The following TLX1 variants were observed in gnomAD, a reference collection of about 807,000 sequenced individuals.
TLX1 encodes T-cell leukemia homeobox protein 1.
In TLX1, 6 loss-of-function variants were observed where a neutral mutation model predicts 26.5. That is an observed-to-expected ratio of 0.23 (90% CI 0.12 to 0.45). TLX1 has a LOEUF of 0.45. Among genes scored for constraint, TLX1 ranks in the 20% least tolerant of loss-of-function variants. The pLI, the probability that TLX1 is intolerant of heterozygous loss-of-function variation, is 0.99. For synonymous variants in TLX1, 217 were observed against 219.7 expected (o/e 0.99, Z 0.11); for missense variants, 418 against 482.6 (o/e 0.87, Z 1.25).
At chr10:101,136,594 G>A (rs1473725885) in intron 2 of TLX1, 97 bp from the exon 3 acceptor site, 4 of 1,603,614 alleles carry the variant, frequency 2.5e-6, no homozygotes, top group Non-Finnish European at 3.4e-6. Context: ...GGCGAGCAGC[G>A]CTCGTTCAGT....
chr10:101,131,548 C>T lies in TLX1; in HGVS notation c.7C>T (p.His3Tyr). 1 of 1,500,754 alleles carries T rather than the reference C, an allele frequency of 6.7e-7. No individual in the cohort carries two copies. Among genetic ancestry groups the T allele is most frequent in the Non-Finnish European group, 8.8e-7 (1 of 1,133,144 alleles). 93.0% of individuals were successfully genotyped at this position (1,500,754 alleles called of 1,614,324 possible). ...CGGTGGGGCCAGGGCCAGCATGGAGCACCTGGGTCCGCACCACCTCCACCC... is the reference window on the plus strand; with the variant it reads ...CGGTGGGGCCAGGGCCAGCATGGAGTACCTGGGTCCGCACCACCTCCACCC... MEHLGPHHLHPGH... is the reference protein window; with the variant it reads MEYLGPHHLHPGH... Residue 3 changes from histidine to tyrosine, a missense_variant, in exon 1 of 3, where the codon CAC becomes TAC. Coordinates refer to ENST00000370196, the MANE Select transcript of TLX1 (RefSeq NM_005521.4).
At position 101,131,556 on chromosome 10, in the gene TLX1, T is replaced by C. The variant is rs1430054702; in HGVS notation, c.15T>C (p.Gly5=). 2 of 1,513,810 alleles carry C rather than the reference T, an allele frequency of 1.3e-6. No homozygotes were observed. The highest frequency in any genetic ancestry group is 2.7e-5 in the East Asian group (1 of 37,500). The allele number at this position is 1,513,810 out of a possible 1,614,324, so 93.8% of individuals were successfully genotyped here. The stretch of plus-strand genomic sequence containing the variant: ...CCAGGGCCAGCATGGAGCACCTGGG[T>C]CCGCACCACCTCCACCCGGGTCACG... MEHL[G]PHHLHPGHAE... The change falls in exon 1 of 3, where the codon GGT becomes GGC. Residue 5 remains glycine, a synonymous_variant. Transcript: ENST00000370196.
intron 2 of TLX1, chr10:101,135,336 C>G (rs1019775396): frequency 5.8e-5 from 9 of 154,358 alleles, no homozygotes; most frequent in African/African-American, 2.2e-4. Flanking sequence ...TTGGAGTTTC[C>G]TCTTTTTCTG....
chr10:101,133,551 G>C (rs1031644218), intron 1 of TLX1, among the ~76,000 whole-genome samples: 3 of 152,246 alleles, frequency 2.0e-5, no homozygotes, highest in African/African-American at 7.2e-5. Flanking sequence ...CTGGGCCTCT[G>C]GTGAAAGGTA....
intron 2 of TLX1, among the ~76,000 whole-genome samples, chr10:101,136,460 A>G (rs1461962154): frequency 6.6e-6 from 1 of 152,132 alleles, no homozygotes; most frequent in African/African-American, 2.4e-5. Context: ...AGACTTTCCC[A>G]TCGCTCCTCC....
rs1160431982 is a variant in TLX1 at position 101,137,301 on chromosome 10, T to C, written c.*388T>C. The C allele has an allele frequency of 9.3e-6, 3 of 322,422 alleles. No individual in the cohort carries two copies. The highest frequency in any genetic ancestry group is 6.2e-5 in the African/African-American group (3 of 48,296). The allele number at this position is 322,422 out of a possible 1,614,324, so 20.0% of individuals were successfully genotyped here. A position where few individuals can be genotyped will look rare whatever the true frequency, so the allele number is the denominator to read the frequency against. ...GGGAAACCCCTTCTCTGTGACCCAC[T>C]TCTCATCACACACATGGAAACCCAT... is the stretch of plus-strand genomic sequence containing the variant. On this transcript the variant is annotated 3_prime_UTR_variant, in exon 3 of 3. Coordinates refer to ENST00000370196, the MANE Select transcript of TLX1 (RefSeq NM_005521.4).
rs750325726 is a variant in TLX1, at chr10:101,131,729, C to T, written c.188C>T (p.Ala63Val). 2.1e-6 allele frequency: 3 copies of T among 1,442,806 alleles called. No individual in the cohort carries two copies. The South Asian group carries it at 4.6e-5, about 22-fold the overall frequency. 89.4% of individuals were successfully genotyped at this position (1,442,806 alleles called of 1,614,324 possible). Residue 63 changes from alanine to valine, a missense_variant, in exon 1 of 3, where the codon GCG (alanine) becomes GTG (valine). By Grantham distance (64) the Ala-to-Val change is moderately conservative. Around this residue, in one of 3 missense-constraint regions of TLX1, gnomAD observed 322 missense variants for 344.6 expected, o/e 0.93. Transcript: ENST00000370196. ...GAYTYGGGGS[A>V]AATGAGGAGA... ...TACACTTACGGCGGCGGGGGCTCCG[C>T]GGCCGCGACGGGGGCTGGAGGAGCG...
chr10:101,134,383 A>AAGCGGGGCGGGCCGGCCGCCCGCG lies in TLX1; in HGVS notation c.770+13_770+36dup, dbSNP rs759214667. 5.1e-6 allele frequency: 8 copies of AAGCGGGGCGGGCCGGCCGCCCGCG among 1,565,142 alleles called. No homozygotes were observed. Among genetic ancestry groups the AAGCGGGGCGGGCCGGCCGCCCGCG allele is most frequent in the Non-Finnish European group, 6.9e-6 (8 of 1,158,546 alleles). On this transcript the variant is annotated splice_region_variant and intron_variant, in intron 2 of 2. Coordinates refer to ENST00000370196, the MANE Select transcript of TLX1 (RefSeq NM_005521.4). Reference sequence around the variant, plus strand: ...ACCGGCGGACAAAGTGGAGGTGAGCAAGCGGGGCGGGCCGGCCGCCCGCGA... The same window carrying AAGCGGGGCGGGCCGGCCGCCCGCG: ...ACCGGCGGACAAAGTGGAGGTGAGCAAGCGGGGCGGGCCGGCCGCCCGCGAGCGGGGCGGGCCGGCCGCCCGCGA...
In TLX1 at chr10:101,131,789, G is replaced by T. The variant is rs1390097225; in HGVS notation, c.248G>T (p.Gly83Val). The T allele has an allele frequency of 1.4e-6, 2 of 1,388,660 alleles. No homozygotes were observed. Among genetic ancestry groups the T allele is most frequent in the South Asian group, 3.4e-5 (2 of 58,308 alleles). 86.0% of individuals were successfully genotyped at this position (1,388,660 alleles called of 1,614,324 possible). Residue 83 changes from glycine (G) to valine (V), a missense_variant, in exon 1 of 3, where the codon GGA (glycine) becomes GTA (valine). Around this residue, in one of 3 missense-constraint regions of TLX1, gnomAD observed 322 missense variants for 344.6 expected, o/e 0.93. Transcript: ENST00000370196. The part of the protein sequence containing the change: ...AYGTGGPGGP[G>V]GPAGGGGACS... Reference sequence around the variant, plus strand: ...GGTACTGGAGGTCCCGGCGGCCCCGGAGGCCCGGCAGGCGGCGGCGGCGCC... The same window carrying T: ...GGTACTGGAGGTCCCGGCGGCCCCGTAGGCCCGGCAGGCGGCGGCGGCGCC...
intron 1 of TLX1, among the ~76,000 whole-genome samples, chr10:101,133,944 G>C (rs1035881495): frequency 6.6e-6 from 1 of 152,152 alleles, no homozygotes; most frequent in Non-Finnish European, 1.5e-5. Flanking sequence ...TGGTAGCGGC[G>C]ACGGCGGCGT....
Position 101,132,549 on chromosome 10 carries a change from C to A in TLX1, c.568+440C>A, listed in dbSNP as rs1331871779. ...GACACAAGAAAAGAACAGGTTCCCC[C>A]ACCTCCAGTCCCCTACACACATGCA... is the stretch of plus-strand genomic sequence containing the variant. On this transcript the variant is annotated intron_variant, in intron 1 of 2. Transcript: ENST00000370196. The surrounding 1 kb of genome is among the most constrained non-coding windows in gnomAD (Gnocchi z 4.1). Among the ~76,000 whole-genome samples the A allele has an allele frequency of 6.6e-6, 1 of 152,234 alleles. No individual in the cohort carries two copies. The highest frequency in any genetic ancestry group is 1.5e-5 in the Non-Finnish European group (1 of 68,036).
In TLX1 at chr10:101,136,897, C is replaced by A; in HGVS notation, c.977C>A (p.Ala326Glu). The change falls in exon 3 of 3, where the codon GCG (alanine) becomes GAG (glutamate). Residue 326 changes from alanine to glutamate, a missense_variant. Ala to Glu is a moderately radical substitution (Grantham distance 107). This residue lies in a region of TLX1 where 78 missense variants were observed against 92.2 expected (regional missense o/e 0.85). Transcript: ENST00000370196. ...STKITSVTSV[A>E]SACE ...AAAATCACTAGCGTCACGTCGGTGGCGTCGGCCTGCGAGTGAGCCTGCCCA... is the reference window on the plus strand; with the variant it reads ...AAAATCACTAGCGTCACGTCGGTGGAGTCGGCCTGCGAGTGAGCCTGCCCA... 6.2e-7 allele frequency: 1 copy of A among 1,613,594 alleles called. No individual in the cohort carries two copies. Among genetic ancestry groups the A allele is most frequent in the Non-Finnish European group, 8.5e-7 (1 of 1,179,986 alleles).
At position 101,136,716 on chromosome 10, in the gene TLX1, G is replaced by A. The variant is rs1301125599; in HGVS notation, c.796G>A (p.Ala266Thr). Residue 266 changes from alanine to threonine, a missense_variant, in exon 3 of 3, where the codon GCC becomes ACC. Physicochemically the swap from Ala to Thr is moderately conservative, Grantham distance 58. This residue lies in a region of TLX1 where 78 missense variants were observed against 92.2 expected (regional missense o/e 0.85). Coordinates refer to ENST00000370196, the MANE Select transcript of TLX1 (RefSeq NM_005521.4). Reference sequence around the variant, plus strand: ...ACGGCAGACTGCGGAGGAACGGGAGGCCGAGAGGCAGCAAGCGAACCGCAT... The same window carrying A: ...ACGGCAGACTGCGGAGGAACGGGAGACCGAGAGGCAGCAAGCGAACCGCAT... ...WRRQTAEERE[A>T]ERQQANRILL... The A allele has an allele frequency of 1.2e-6, 2 of 1,612,904 alleles. No homozygotes were observed. The highest frequency in any genetic ancestry group is 3.3e-5 in the Admixed American group (2 of 60,028).
Position 101,131,342 on chromosome 10 carries a change from A to C in TLX1, c.-200A>C. Reference sequence around the variant, plus strand: ...AGCGAGCGAGCAGCCGGAGCGGGGAAGCAGAAGCCAGAGAGGGGAAGAATA... The same window carrying C: ...AGCGAGCGAGCAGCCGGAGCGGGGACGCAGAAGCCAGAGAGGGGAAGAATA... On this transcript the variant is annotated 5_prime_UTR_variant, in exon 1 of 3. Transcript: ENST00000370196. 2.4e-6 allele frequency: 1 copy of C among 420,726 alleles called. No homozygotes were observed. The highest frequency in any genetic ancestry group is 4.1e-6 in the Non-Finnish European group (1 of 241,920). The allele number at this position is 420,726 out of a possible 1,614,324, so 26.1% of individuals were successfully genotyped here.
At position 101,132,896 on chromosome 10, in the gene TLX1, TC is replaced by T; in HGVS notation, c.568+790del. On this transcript the variant is annotated intron_variant, in intron 1 of 2. Coordinates refer to ENST00000370196, the MANE Select transcript of TLX1 (RefSeq NM_005521.4). This position sits in a 1 kb window ranked among gnomAD's most constrained non-coding sequence, Gnocchi z 4.1. ...CGCTGCCGCCTTCTCTGCTGCCCGC[TC>T]CCGCCTTCCTCTGCTGGCCCTGGCT... is the stretch of plus-strand genomic sequence containing the variant. 1 of 152,942 alleles carries T rather than the reference TC, an allele frequency of 6.5e-6. No individual in the cohort carries two copies. The highest frequency in any genetic ancestry group is 1.5e-5 in the Non-Finnish European group (1 of 68,650). The allele number at this position is 152,942 out of a possible 1,614,324, so 9.5% of individuals were successfully genotyped here. A position where few individuals can be genotyped will look rare whatever the true frequency, so the allele number is the denominator to read the frequency against.
chr10:101,137,139 C>T lies in TLX1; in HGVS notation c.*226C>T. The T allele has an allele frequency of 1.7e-6, 1 of 576,616 alleles. No homozygotes were observed. Among genetic ancestry groups the T allele is most frequent in the Admixed American group, 3.1e-5 (1 of 32,132 alleles). 35.7% of individuals were successfully genotyped at this position (576,616 alleles called of 1,614,324 possible). A position where few individuals can be genotyped will look rare whatever the true frequency, so the allele number is the denominator to read the frequency against. ...CCCCCCTCCCAGAGGCGTCCCGCAC[C>T]TGTCTGAACTGTTAAGAAATCTGTT... On this transcript the variant is annotated 3_prime_UTR_variant, in exon 3 of 3. Coordinates refer to ENST00000370196, the MANE Select transcript of TLX1 (RefSeq NM_005521.4).
At chr10:101,134,800 T>G (rs1393706083) in intron 2 of TLX1, among the ~76,000 whole-genome samples, 2 of 152,244 alleles carry the variant, frequency 1.3e-5, no homozygotes, top group East Asian at 3.9e-4. Flanking sequence ...CGCACCTTGT[T>G]GCAGCGCTCC....
Position 101,134,297 on chromosome 10 carries a change from C to A in TLX1, c.691C>A (p.Arg231Ser). ...CCAGAAGTACCTGGCCTCGGCCGAG[C>A]GCGCCGCCCTGGCCAAGGCGCTCAA... ...HRQKYLASAE[R>S]AALAKALKMT... The change falls in exon 2 of 3, where the codon CGC (arginine) becomes AGC (serine). Residue 231 changes from arginine to serine, a missense_variant. Physicochemically the swap from Arg to Ser is moderately radical, Grantham distance 110. Coordinates refer to ENST00000370196, the MANE Select transcript of TLX1 (RefSeq NM_005521.4). 9 of 1,612,318 alleles carry A rather than the reference C, an allele frequency of 5.6e-6. No individual in the cohort carries two copies. The highest frequency in any genetic ancestry group is 7.6e-6 in the Non-Finnish European group (9 of 1,179,506).
chr10:101,133,305 G>A (rs1414184211), intron 1 of TLX1, among the ~76,000 whole-genome samples: 1 of 152,268 alleles, frequency 6.6e-6, no homozygotes, highest in Non-Finnish European at 1.5e-5. Flanking sequence ...TGCTTCTGCA[G>A]CTTCTTACCA....
Sources: gnomAD v4.1 joint callset for allele counts (sites outside exome capture counted in the v4.1 genomes callset) on GRCh38, gnomAD v4.1.1 for gene constraint, gnomAD v4.1.1 regional missense constraint, Gnocchi (gnomAD v3.1) non-coding constraint, MANE v1.5 for transcripts, NCBI Gene and HGNC (gene_info 2026-07-23, HGNC 2026-07-21) for gene names.